The following SIDT1 variants were observed in gnomAD, a reference collection of about 807,000 sequenced individuals.
The protein encoded by SIDT1 is SID1 transmembrane family, member 1.
SIDT1 carries 101 observed loss-of-function variants against 107.5 expected under a neutral mutation model. The ratio of observed to expected loss-of-function variants is 0.94; its 90% CI spans 0.80 to 1.11. SIDT1 has a LOEUF of 1.11. Ranked by LOEUF, SIDT1 falls within the 50% of genes least tolerant of loss-of-function variation. The probability of loss-of-function intolerance (pLI) is 0.00; values close to 1 mark genes in which losing one functional copy is unlikely to be tolerated. For missense variants in SIDT1, 1,076 were observed against 1,058.2 expected, an observed-to-expected ratio of 1.02 and a Z score of -0.23; for synonymous variants, 395 against 398.2, an observed-to-expected ratio of 0.99 and a Z score of 0.10.
rs1576786145 is a variant in SIDT1 at position 113,566,332 on chromosome 3, GTGTGTT to G, written c.223-82_223-77del. The G allele has an allele frequency of 4.6e-6, 6 of 1,292,522 alleles. No individual in the cohort carries two copies. The East Asian group carries it at 1.2e-4, about 26-fold the overall frequency. 80.1% of individuals were successfully genotyped at this position (1,292,522 alleles called of 1,614,324 possible). A position where few individuals can be genotyped will look rare whatever the true frequency, so the allele number is the denominator to read the frequency against. ...TGGCAACTATGGTGTGTGTGTTTGTGTGTGTTTGTGTGTGTGTGTGTGTGTGTGTGT... is the reference window on the plus strand; with the variant it reads ...TGGCAACTATGGTGTGTGTGTTTGTGTGTGTGTGTGTGTGTGTGTGTGTGT... On this transcript the variant is annotated intron_variant, in intron 1 of 24. Transcript: ENST00000264852.
At chr3:113,583,752 A>C (rs1366438510) in intron 7 of SIDT1, among the ~76,000 whole-genome samples, 1 of 152,258 alleles carries the variant, frequency 6.6e-6, no homozygotes, top group African/African-American at 2.4e-5. Flanking sequence ...AGACCATGGA[A>C]GATAAGTTCA....
intron 1 of SIDT1, among the ~76,000 whole-genome samples, chr3:113,546,513 A>G (rs1272272571): frequency 6.6e-6 from 1 of 152,072 alleles, no homozygotes; most frequent in Non-Finnish European, 1.5e-5. Context: ...ATTCCTGCTG[A>G]GTACCATGTC....
intron 6 of SIDT1, among the ~76,000 whole-genome samples, chr3:113,582,314 G>A (rs566223190): frequency 1.5e-4 from 23 of 152,276 alleles, no homozygotes; most frequent in Non-Finnish European, 2.8e-4. Flanking sequence ...AGCGTGATCT[G>A]TTCCCTAGGG....
intron 23 of SIDT1, 28 bp downstream of exon 23, chr3:113,623,761 A>G: frequency 6.7e-7 from 1 of 1,492,700 alleles, no homozygotes; most frequent in Non-Finnish European, 9.3e-7. Flanking sequence ...TTATCCAAAA[A>G]CAACCTCTCT....
intron 1 of SIDT1, 130 bp downstream of exon 1, chr3:113,533,373 C>G (rs1035304362): frequency 1.5e-6 from 1 of 682,060 alleles, no homozygotes; most frequent in African/African-American, 1.9e-5. Context: ...TTCCCTTTCT[C>G]CTCCGAAGCA....
intron 24 of SIDT1, among the ~76,000 whole-genome samples, chr3:113,626,466 C>A (rs1310573415): frequency 2.6e-5 from 4 of 152,188 alleles, no homozygotes; most frequent in African/African-American, 9.7e-5. Context: ...CTAAGTTGCA[C>A]AGCACGTTTG....
chr3:113,605,829 C>T (rs140753490), intron 14 of SIDT1, among the ~76,000 whole-genome samples: 1 of 152,008 alleles, frequency 6.6e-6, no homozygotes, highest in East Asian at 1.9e-4. Flanking sequence ...CATGGCGAAA[C>T]CCTGACTCTA....
rs369596788 is a variant in SIDT1 at position 113,623,770 on chromosome 3, C to T, written c.2307+37C>T. Reference sequence around the variant, plus strand: ...GTTTTCTTATCCAAAAACAACCTCTCTCTCCAACTTGCCATTTTGGCCTTT... The same window carrying T: ...GTTTTCTTATCCAAAAACAACCTCTTTCTCCAACTTGCCATTTTGGCCTTT... On this transcript the variant is annotated intron_variant, in intron 23 of 24. Transcript: ENST00000264852. 3.5e-4 allele frequency: 499 copies of T among 1,439,418 alleles called. 1 individual carries two copies. The highest frequency in any genetic ancestry group is 4.5e-4 in the Non-Finnish European group (456 of 1,024,042). The allele number at this position is 1,439,418 out of a possible 1,614,324, so 89.2% of individuals were successfully genotyped here.
Position 113,604,046 on chromosome 3 carries a change from C to G in SIDT1, c.1337+13C>G. On this transcript the variant is annotated intron_variant, in intron 13 of 24. Coordinates refer to ENST00000264852, the MANE Select transcript of SIDT1 (RefSeq NM_017699.3). ...AAATTTATTTTTGGTAAGTAGATGA[C>G]CAGTAGGACCATGGTTCCCTTAAAT... 6.5e-7 allele frequency: 1 copy of G among 1,528,950 alleles called. No individual in the cohort carries two copies. Among genetic ancestry groups the G allele is most frequent in the Non-Finnish European group, 8.9e-7 (1 of 1,120,172 alleles). The allele number at this position is 1,528,950 out of a possible 1,614,324, so 94.7% of individuals were successfully genotyped here.
intron 11 of SIDT1, chr3:113,601,987 G>C (rs1944990319): frequency 4.8e-6 from 1 of 208,806 alleles, no homozygotes; most frequent in African/African-American, 2.3e-5. Context: ...CAGGGAGCCT[G>C]ACATCAATTG....
intron 1 of SIDT1, among the ~76,000 whole-genome samples, chr3:113,564,466 G>A (rs1941721260): frequency 6.6e-6 from 1 of 152,226 alleles, no homozygotes; most frequent in Non-Finnish European, 1.5e-5. Flanking sequence ...CTTCTAGCAA[G>A]TACAGCCCTG....
At chr3:113,634,270 G>A (rs540403483), downstream of SIDT1, among the ~76,000 whole-genome samples, 1 of 152,168 alleles carries the variant, frequency 6.6e-6, no homozygotes, top group African/African-American at 2.4e-5. Context: ...TGCCCTCTTA[G>A]TGAGATCTTA....
rs116789073 is a variant in SIDT1, at chr3:113,617,960, C to T, written c.2044-1720C>T. ...TACTACCCATGTAAAGTTTACGTTA[C>T]ATTAATGCTCATTCTTGATGTACAC... is the stretch of plus-strand genomic sequence containing the variant. On this transcript the variant is annotated intron_variant, in intron 20 of 24. Transcript: ENST00000264852. Among the ~76,000 whole-genome samples, 862 of 152,288 alleles carry T rather than the reference C, an allele frequency of 5.7e-3. 9 individuals are homozygous for T. Among genetic ancestry groups the T allele is most frequent in the African/African-American group, 0.02 (825 of 41,542 alleles).
chr3:113,543,765 A>G (rs956452227), intron 1 of SIDT1, among the ~76,000 whole-genome samples: 5 of 152,252 alleles, frequency 3.3e-5, no homozygotes, highest in African/African-American at 1.2e-4. Context: ...TAAGAACAGT[A>G]TAAAGAACAC....
At position 113,532,780 on chromosome 3, in the gene SIDT1, A is replaced by G. The variant is rs1487838933; in HGVS notation, c.-242A>G. The G allele has an allele frequency of 5.2e-6, 2 of 380,954 alleles. No individual in the cohort carries two copies. The highest frequency in any genetic ancestry group is 4.2e-5 in the African/African-American group (2 of 47,796). The allele number at this position is 380,954 out of a possible 1,614,324, so 23.6% of individuals were successfully genotyped here. On this transcript the variant is annotated 5_prime_UTR_variant, in exon 1 of 25. Coordinates refer to ENST00000264852, the MANE Select transcript of SIDT1 (RefSeq NM_017699.3). Reference sequence around the variant, plus strand: ...GGAAAATCAGCAGCCCCACATCTCCACTTCTCCAGTCCGCCCTACTCTCCA... The same window carrying G: ...GGAAAATCAGCAGCCCCACATCTCCGCTTCTCCAGTCCGCCCTACTCTCCA...
At chr3:113,576,997 C>T in intron 4 of SIDT1, 30 bp downstream of exon 4, 1 of 1,609,738 alleles carries the variant, frequency 6.2e-7, no homozygotes, top group Non-Finnish European at 8.5e-7. Flanking sequence ...GAGTTATCAA[C>T]ATCCTACCTG....
rs985670323 is a variant in SIDT1, at chr3:113,613,489, T to C, written c.1966+1295T>C. Among the ~76,000 whole-genome samples, 57 of 152,358 alleles carry C rather than the reference T, an allele frequency of 3.7e-4. 1 individual carries two copies. Among genetic ancestry groups the C allele is most frequent in the African/African-American group, 1.3e-3 (56 of 41,586 alleles). ...ATGGCTTTAAGACTAGAAGACCAAA[T>C]AGAGCAATTGCTCGTTTTCAAAGGT... On this transcript the variant is annotated intron_variant, in intron 19 of 24. Coordinates refer to ENST00000264852, the MANE Select transcript of SIDT1 (RefSeq NM_017699.3).
At chr3:113,562,174 G>A (rs143713583) in intron 1 of SIDT1, among the ~76,000 whole-genome samples, 1 of 152,026 alleles carries the variant, frequency 6.6e-6, no homozygotes. Context: ...ACACCCACTA[G>A]GATGGCTATA....
In SIDT1 at chr3:113,628,744, G is replaced by C. The variant is rs961258637; in HGVS notation, c.*1036G>C. 1 of 152,276 alleles carries C rather than the reference G, an allele frequency of 6.6e-6. No homozygotes were observed. Among genetic ancestry groups the C allele is most frequent in the Non-Finnish European group, 1.5e-5 (1 of 68,092 alleles). 9.4% of individuals were successfully genotyped at this position (152,276 alleles called of 1,614,324 possible). A position where few individuals can be genotyped will look rare whatever the true frequency, so the allele number is the denominator to read the frequency against. On this transcript the variant is annotated 3_prime_UTR_variant, in exon 25 of 25. Coordinates refer to ENST00000264852, the MANE Select transcript of SIDT1 (RefSeq NM_017699.3). ...CACTACTTCAGGAGTCCTCCACAGC[G>C]AGTCCGTCATCTGTCACTTTATGTA...
Sources: allele counts gnomAD v4.1 joint callset (sites outside exome capture counted in the v4.1 genomes callset), GRCh38; gene constraint gnomAD v4.1.1; transcripts MANE v1.5; gene names NCBI Gene and HGNC (gene_info 2026-07-23, HGNC 2026-07-21).